DNMBP: variants seen among roughly 807,000 people sequenced by gnomAD.
DNMBP encodes dynamin binding protein, also known as dynamin-binding protein.
DNMBP carries 87 observed loss-of-function variants against 150.0 expected under a neutral mutation model. That is an observed-to-expected ratio of 0.58 (90% confidence interval 0.49 to 0.69). The LOEUF (loss-of-function observed/expected upper bound fraction) is 0.69. DNMBP is among the 30% of genes least tolerant of loss of function. The pLI is 0.00. For synonymous variants in DNMBP, 711 were observed against 750.4 expected, an observed-to-expected ratio of 0.95 and a Z score of 0.86; for missense variants, 1,774 against 1,949.0, an observed-to-expected ratio of 0.91 and a Z score of 1.69.
Position 99,886,541 on chromosome 10 carries a change from T to C in DNMBP, c.3377A>G (p.Asp1126Gly). Residue 1126 changes from aspartate to glycine, a missense_variant, in exon 13 of 17, where the codon GAC (aspartate) becomes GGC (glycine). Coordinates refer to ENST00000324109, the MANE Select transcript of DNMBP (RefSeq NM_015221.4). ...GPHKLVQKRF[D>G]KLLDFYNCTE... ...ACAGTTATAGAAGTCCAGGAGCTTG[T>C]CAAAGCGTTTCTGTACCAGCTTATG... 6.2e-7 allele frequency: 1 copy of C among 1,614,188 alleles called. No homozygotes were observed.
chr10:99,957,400 C>T (rs888458928), intron 3 of DNMBP, 195 bp from the exon 4 acceptor site: 16 of 613,318 alleles, frequency 2.6e-5, no homozygotes, highest in Non-Finnish European at 4.0e-5. Context: ...CAGAGTGTTC[C>T]ATGGAACCCT....
intron 2 of DNMBP, among the ~76,000 whole-genome samples, chr10:99,970,025 G>C (rs558015221): frequency 6.6e-6 from 1 of 152,206 alleles, no homozygotes; most frequent in East Asian, 1.9e-4. Context: ...TCCAGCTTTT[G>C]CTCATCTCTC....
intron 1 of DNMBP, among the ~76,000 whole-genome samples, chr10:100,002,184 A>G (rs1005548067): frequency 6.6e-6 from 1 of 152,196 alleles, no homozygotes; most frequent in Admixed American, 6.5e-5. Flanking sequence ...TAAAAAACAG[A>G]GACAGAGAAA....
intron 4 of DNMBP, among the ~76,000 whole-genome samples, chr10:99,931,474 C>T (rs2040157669): frequency 6.6e-6 from 1 of 152,188 alleles, no homozygotes; most frequent in Non-Finnish European, 1.5e-5. Flanking sequence ...CTTCCTTTTA[C>T]TTTGATCTGG....
In DNMBP at chr10:99,962,383, G is replaced by A. The variant is rs531555531; in HGVS notation, c.269-5178C>T. Among the ~76,000 whole-genome samples the A allele has an allele frequency of 1.6e-3, 242 of 152,320 alleles. 2 individuals are homozygous for A. Among genetic ancestry groups the A allele is most frequent in the Non-Finnish European group, 3.5e-4 (24 of 68,032 alleles). On this transcript the variant is annotated intron_variant, in intron 3 of 16. Transcript: ENST00000324109. ...GCAGTGGCTCACGCCTGTAATCCCA[G>A]CACTTTGGGACGCCGAGGCAGGGGG...
At chr10:99,945,353 G>A (rs1425438058) in intron 4 of DNMBP, among the ~76,000 whole-genome samples, 1 of 152,290 alleles carries the variant, frequency 6.6e-6, no homozygotes, top group Middle Eastern at 3.4e-3. Flanking sequence ...ATGTTACAAG[G>A]TGACATTTCT....
chr10:99,903,589 C>T lies in DNMBP; in HGVS notation c.2555-3523G>A, dbSNP rs1187654228. ...CTCAGCAATCCACCCACCTTGGCCT[C>T]CCAAAGTGCTAGGATTACAGGCGTG... On this transcript the variant is annotated intron_variant, in intron 6 of 16. Transcript: ENST00000324109. Among the ~76,000 whole-genome samples, 3 of 152,142 alleles carry T rather than the reference C, an allele frequency of 2.0e-5. No individual in the cohort carries two copies. In the East Asian group the frequency reaches 5.8e-4, roughly 29 times the overall value.
At chr10:99,960,526 C>G (rs1479478813) in intron 3 of DNMBP, among the ~76,000 whole-genome samples, 4 of 152,138 alleles carry the variant, frequency 2.6e-5, no homozygotes, top group Admixed American at 2.6e-4. Flanking sequence ...AAAAATTAGG[C>G]CAGGTGCGGT....
intron 4 of DNMBP, among the ~76,000 whole-genome samples, chr10:99,946,166 C>T (rs1202804328): frequency 1.3e-5 from 2 of 152,204 alleles, no homozygotes; most frequent in Non-Finnish European, 2.9e-5. Context: ...CCATGTTGGC[C>T]AGGCTGGTCT....
chr10:99,901,916 T>G (rs1281273994), intron 6 of DNMBP, among the ~76,000 whole-genome samples: 1 of 152,104 alleles, frequency 6.6e-6, no homozygotes, highest in Non-Finnish European at 1.5e-5. Context: ...TTTTTTTCCT[T>G]TTTTTAAGAC....
In DNMBP at chr10:99,902,014, G is replaced by A. The variant is rs1044228847; in HGVS notation, c.2555-1948C>T. ...ACCTCCTGGGCTCAAGTGATCCTCC[G>A]ACCTCAGCCTCCTGAGTAGCTGGGA... On this transcript the variant is annotated intron_variant, in intron 6 of 16. Transcript: ENST00000324109. Among the ~76,000 whole-genome samples, 21 of 150,272 alleles carry A rather than the reference G, an allele frequency of 1.4e-4. No homozygotes were observed. The East Asian group carries it at 2.8e-3, about 20-fold the overall frequency.
chr10:99,949,364 AAATGTTATATTG>A (rs2040394934), intron 4 of DNMBP, among the ~76,000 whole-genome samples: 1 of 152,240 alleles, frequency 6.6e-6, no homozygotes, highest in Non-Finnish European at 1.5e-5. Context: ...AGAATTAGAT[AAATGTTATATTG>A]AAAGTTCTTT....
intron 16 of DNMBP, 65 bp from the exon 17 acceptor site, chr10:99,877,401 G>A (rs576464576): frequency 4.0e-5 from 56 of 1,395,724 alleles, no homozygotes; most frequent in Middle Eastern, 3.7e-4. Context: ...AGCTTCGTGC[G>A]GTGTTGGGGA....
intron 5 of DNMBP, among the ~76,000 whole-genome samples, chr10:99,908,622 C>T (rs953945745): frequency 4.6e-5 from 7 of 152,148 alleles, no homozygotes; most frequent in Non-Finnish European, 8.8e-5. Context: ...AACTGCTCAC[C>T]CCCAGGTTTT....
chr10:99,990,696 CACACACATATAT>C (rs1016081904), intron 1 of DNMBP, among the ~76,000 whole-genome samples: 4 of 149,144 alleles, frequency 2.7e-5, no homozygotes, highest in African/African-American at 4.9e-5. Flanking sequence ...CATATATATA[CACACACATATAT>C]ACACACATAT....
At chr10:99,908,305 A>G (rs759938184) in intron 5 of DNMBP, among the ~76,000 whole-genome samples, 2 of 152,348 alleles carry the variant, frequency 1.3e-5, no homozygotes, top group South Asian at 2.1e-4. Flanking sequence ...CACCCCAACC[A>G]GCACTTTAGT....
chr10:99,917,916 C>A (rs2039981665), intron 4 of DNMBP, among the ~76,000 whole-genome samples: 1 of 149,018 alleles, frequency 6.7e-6, no homozygotes, highest in Non-Finnish European at 1.5e-5. Flanking sequence ...TTGCATTGAG[C>A]CAAGATCGTG....
chr10:99,928,174 C>G (rs974235100), intron 4 of DNMBP: 1 of 152,150 alleles, frequency 6.6e-6, no homozygotes, highest in Non-Finnish European at 1.5e-5. Flanking sequence ...AGGTTAAGAG[C>G]CTGTTAGGTC....
intron 4 of DNMBP, among the ~76,000 whole-genome samples, chr10:99,943,384 G>GTTT (rs568901829): frequency 8.9e-5 from 4 of 44,804 alleles, no homozygotes; most frequent in African/African-American, 6.9e-4. Flanking sequence ...GTGGTTTTTT[G>GTTT]TTTGTTTGTT....
Sources: allele counts gnomAD v4.1 joint callset (sites outside exome capture counted in the v4.1 genomes callset), GRCh38; gene constraint gnomAD v4.1.1; transcripts MANE v1.5; gene names NCBI Gene and HGNC (gene_info 2026-07-23, HGNC 2026-07-21).